Variants in TTC28 observed in about 807,000 individuals in gnomAD.
TTC28 encodes the protein tetratricopeptide repeat protein 28.
In TTC28, 61 loss-of-function variants were observed where a neutral mutation model predicts 198.0. The ratio of observed to expected loss-of-function variants is 0.31; its 90% CI spans 0.25 to 0.38. The LOEUF is 0.38. Ranked by LOEUF, TTC28 falls within the 10% of genes least tolerant of loss-of-function variation. The probability of loss-of-function intolerance (pLI) is 1.00; values close to 1 mark genes in which losing one functional copy is unlikely to be tolerated. For missense variants in TTC28, 2,678 were observed against 3,164.0 expected (o/e 0.85, Z 3.69); for synonymous variants, 1,171 against 1,297.8 (o/e 0.90, Z 2.10).
At chr22:28,677,199 TATAC>T (rs34541193) in intron 1 of TTC28, among the ~76,000 whole-genome samples, 18,788 of 92,528 alleles carry the variant, frequency 0.2, 2,124 homozygotes, top group Admixed American at 0.23. Context: ...TATATATATA[TATAC>T]ACACATATAT....
intron 2 of TTC28, among the ~76,000 whole-genome samples, chr22:28,561,788 G>C (rs1045186368): frequency 6.6e-6 from 1 of 151,928 alleles, no homozygotes; most frequent in Non-Finnish European, 1.5e-5. Context: ...TTCAACTCTC[G>C]TCTTAAATAG....
In TTC28 at chr22:27,983,481, G is replaced by A. The variant is rs1389451903; in HGVS notation, c.6186C>T (p.Ile2062=). The change falls in exon 23 of 23, where the codon ATC becomes ATT. Residue 2062 remains isoleucine (I), a synonymous_variant. Coordinates refer to ENST00000397906, the MANE Select transcript of TTC28 (RefSeq NM_001145418.2). ...GGTAGGTCGCCAAGGGCTCGTTACT[G>A]ATGATAGAAAACCCTTCATATTCTT... The part of the protein sequence containing the change: ...DEEEYEGFSI[I]SNEPLATYQE... 1 of 1,546,804 alleles carries A rather than the reference G, an allele frequency of 6.5e-7. No individual in the cohort carries two copies. The highest frequency in any genetic ancestry group is 2.0e-5 in the Admixed American group (1 of 49,402).
At chr22:28,022,570 G>A (rs1016062602) in intron 13 of TTC28, among the ~76,000 whole-genome samples, 5 of 152,170 alleles carry the variant, frequency 3.3e-5, no homozygotes, top group Admixed American at 6.5e-5. Flanking sequence ...CCTCACAGGC[G>A]AGGACTGCAC....
chr22:28,350,206 A>G (rs1037245574), intron 2 of TTC28, among the ~76,000 whole-genome samples: 1 of 152,158 alleles, frequency 6.6e-6, no homozygotes, highest in South Asian at 2.1e-4. Flanking sequence ...AATATTAACC[A>G]CATTCCAGAT....
intron 5 of TTC28, among the ~76,000 whole-genome samples, chr22:28,215,831 A>G (rs955606825): frequency 2.0e-5 from 3 of 152,234 alleles, no homozygotes; most frequent in African/African-American, 7.2e-5. Context: ...GGAATGGTGC[A>G]AATATAAGGC....
At chr22:28,004,727 T>C (rs1295533134) in intron 14 of TTC28, among the ~76,000 whole-genome samples, 1 of 152,188 alleles carries the variant, frequency 6.6e-6, no homozygotes, top group Non-Finnish European at 1.5e-5. Flanking sequence ...TGATTGGACA[T>C]GTTAGAGATA....
chr22:28,553,546 C>A (rs1160231618), intron 2 of TTC28, among the ~76,000 whole-genome samples: 2 of 151,790 alleles, frequency 1.3e-5, no homozygotes, highest in Non-Finnish European at 2.9e-5. Flanking sequence ...GACCCTCTGC[C>A]TGGCAGCCAC....
chr22:28,026,100 A>C (rs1938821100), intron 13 of TTC28, among the ~76,000 whole-genome samples: 1 of 152,146 alleles, frequency 6.6e-6, no homozygotes, highest in South Asian at 2.1e-4. Flanking sequence ...CCAGGCTTTC[A>C]CGCGTGGATT....
intron 21 of TTC28, among the ~76,000 whole-genome samples, chr22:27,987,988 G>A (rs1291260651): frequency 1.3e-5 from 2 of 152,094 alleles, no homozygotes; most frequent in Non-Finnish European, 2.9e-5. Context: ...TGTGTGGGAG[G>A]GTTGCTTGAA....
chr22:28,452,681 A>AG (rs568605025), intron 2 of TTC28, among the ~76,000 whole-genome samples: 167 of 152,286 alleles, frequency 1.1e-3, no homozygotes, highest in Non-Finnish European at 2.0e-3. Flanking sequence ...GGAATGGGAC[A>AG]GGGGCGGTTA....
chr22:28,385,246 T>A (rs938258454), intron 2 of TTC28, among the ~76,000 whole-genome samples: 1 of 151,144 alleles, frequency 6.6e-6, no homozygotes, highest in African/African-American at 2.4e-5. Context: ...CTTTTTTTTT[T>A]CTTTGAGACA....
intron 1 of TTC28, among the ~76,000 whole-genome samples, chr22:28,641,892 T>C (rs1415356939): frequency 6.6e-6 from 1 of 152,050 alleles, no homozygotes; most frequent in Admixed American, 6.6e-5. Flanking sequence ...ATGCAGGAGA[T>C]AATAAATGGA....
intron 5 of TTC28, among the ~76,000 whole-genome samples, chr22:28,229,797 G>A (rs897706714): frequency 2.0e-5 from 3 of 152,040 alleles, no homozygotes; most frequent in African/African-American, 7.2e-5. Flanking sequence ...CAGCATAACT[G>A]CCCAGAAATG....
At chr22:28,661,167 C>T (rs1217825180) in intron 1 of TTC28, among the ~76,000 whole-genome samples, 2 of 151,868 alleles carry the variant, frequency 1.3e-5, no homozygotes, top group African/African-American at 4.8e-5. Flanking sequence ...GCCTGTAATC[C>T]CAGCTACTTG....
intron 2 of TTC28, among the ~76,000 whole-genome samples, chr22:28,412,035 T>C (rs1255130356): frequency 6.6e-6 from 1 of 152,242 alleles, no homozygotes; most frequent in East Asian, 1.9e-4. Flanking sequence ...CAAAGAATAG[T>C]AAGGCAAGTT....
intron 2 of TTC28, among the ~76,000 whole-genome samples, chr22:28,588,132 A>T (rs2050352211): frequency 7.5e-6 from 1 of 132,570 alleles, no homozygotes. Flanking sequence ...ACAGAGGGAG[A>T]CTCCGTCTCA....
At chr22:28,576,917 A>C (rs1025919928) in intron 2 of TTC28, among the ~76,000 whole-genome samples, 5 of 151,824 alleles carry the variant, frequency 3.3e-5, no homozygotes, top group Non-Finnish European at 7.4e-5. Context: ...TCTTTAAAAA[A>C]AACTTTTCAT....
At chr22:28,424,280 A>C (rs1319791276) in intron 2 of TTC28, among the ~76,000 whole-genome samples, 1 of 152,140 alleles carries the variant, frequency 6.6e-6, no homozygotes, top group African/African-American at 2.4e-5. Context: ...TCATACCTTC[A>C]TGCCTTTGTC....
At chr22:28,559,479 C>A (rs530309098) in intron 2 of TTC28, among the ~76,000 whole-genome samples, 31 of 152,302 alleles carry the variant, frequency 2.0e-4, no homozygotes, top group Non-Finnish European at 3.7e-4. Context: ...TCTACTAATT[C>A]TGCCTGCTGA....
Sources: allele counts gnomAD v4.1 joint callset (sites outside exome capture counted in the v4.1 genomes callset), GRCh38; gene constraint gnomAD v4.1.1; transcripts MANE v1.5; gene names NCBI Gene and HGNC (gene_info 2026-07-23, HGNC 2026-07-21).